GIPR: variants seen among roughly 807,000 people sequenced by gnomAD.
GIPR encodes gastric inhibitory polypeptide receptor, also known as GIP-R.
A neutral mutation model predicts 62.2 loss-of-function variants in GIPR; 74 were observed. The ratio of observed to expected loss-of-function variants is 1.19; its 90% CI spans 0.99 to 1.44. The LOEUF is 1.44. Ranked by LOEUF, GIPR falls within the 40% of genes most tolerant of loss-of-function variation. The pLI, the probability that GIPR is intolerant of heterozygous loss-of-function variation, is 0.00. For synonymous variants in GIPR, 256 were observed against 262.2 expected (o/e 0.98, Z 0.23); for missense variants, 664 against 611.8 (o/e 1.09, Z -0.90).
At chr19:45,673,029 A>ATCT in intron 5 of GIPR, 75 bp downstream of exon 5, 1 of 881,128 alleles carries the variant, frequency 1.1e-6, no homozygotes, top group Non-Finnish European at 1.9e-6. Flanking sequence ...CAGGGCCTGA[A>ATCT]ACCCCTTGGA....
Position 45,682,224 on chromosome 19 carries a change from A to C in GIPR, c.*289A>C. 2.3e-6 allele frequency: 1 copy of C among 442,172 alleles called. No homozygotes were observed. Among genetic ancestry groups the C allele is most frequent in the South Asian group, 2.7e-5 (1 of 37,564 alleles). The allele number at this position is 442,172 out of a possible 1,614,324, so 27.4% of individuals were successfully genotyped here. On this transcript the variant is annotated 3_prime_UTR_variant, in exon 14 of 14. Coordinates refer to ENST00000590918, the MANE Select transcript of GIPR (RefSeq NM_000164.4). ...GCCATCCCCGAAAGAGGTGAAAGAG[A>C]TCACTTTGGGGAGAGCTGGAGAACA...
intron 5 of GIPR, 28 bp from the exon 6 acceptor site, chr19:45,674,046 G>C: frequency 2.2e-6 from 3 of 1,383,864 alleles, no homozygotes; most frequent in East Asian, 4.6e-5. Context: ...GCCAAGCCTT[G>C]TTCCCTTCCC....
chr19:45,681,678 C>G lies in GIPR; in HGVS notation c.1194+33C>G, dbSNP rs200406222. ...GAGACCCGGCCGCCGCCCCCGCCCT[C>G]TGGCGGCAGCGCGGGGTACGGCGCC... On this transcript the variant is annotated intron_variant, in intron 13 of 13. Coordinates refer to ENST00000590918, the MANE Select transcript of GIPR (RefSeq NM_000164.4). 1.9e-5 allele frequency: 31 copies of G among 1,611,764 alleles called. No individual in the cohort carries two copies. The East Asian group carries it at 5.4e-4, about 28-fold the overall frequency.
Position 45,671,491 on chromosome 19 carries a change from C to T in GIPR, c.280+99C>T, listed in dbSNP as rs565701821. Reference sequence around the variant, plus strand: ...TCCGAGTCCCACAGCTCACCTGCACCCCTCTCCTGCTCCTCTTTGCCCCCT... The same window carrying T: ...TCCGAGTCCCACAGCTCACCTGCACTCCTCTCCTGCTCCTCTTTGCCCCCT... On this transcript the variant is annotated intron_variant, in intron 4 of 13. Transcript: ENST00000590918. 8.4e-5 allele frequency: 65 copies of T among 776,634 alleles called. No homozygotes were observed. The African/African-American group carries it at 1.1e-3, about 13-fold the overall frequency. 48.1% of individuals were successfully genotyped at this position (776,634 alleles called of 1,614,324 possible). A position where few individuals can be genotyped will look rare whatever the true frequency, so the allele number is the denominator to read the frequency against.
At chr19:45,675,238 T>C (rs1975776107) in intron 7 of GIPR, 1 of 242,024 alleles carries the variant, frequency 4.1e-6, no homozygotes, top group Non-Finnish European at 8.4e-6. Context: ...GGAGCAGACG[T>C]GGTAAGAACT....
intron 2 of GIPR, among the ~76,000 whole-genome samples, chr19:45,669,805 C>T (rs1217376148): frequency 6.6e-6 from 1 of 151,690 alleles, no homozygotes; most frequent in African/African-American, 2.4e-5. Flanking sequence ...AAAAATTAGC[C>T]GGGCGTGGTG....
intron 3 of GIPR, among the ~76,000 whole-genome samples, chr19:45,670,953 T>G (rs1975504138): frequency 7.0e-6 from 1 of 143,702 alleles, no homozygotes; most frequent in South Asian, 2.2e-4. Flanking sequence ...GGGCGGGGCC[T>G]GCACAGAAAT....
intron 7 of GIPR, chr19:45,675,429 G>T (rs1025333367): frequency 2.0e-5 from 3 of 153,440 alleles, no homozygotes; most frequent in African/African-American, 7.3e-5. Flanking sequence ...ACAAAAATTA[G>T]CTGGGTGTGG....
Position 45,682,053 on chromosome 19 carries a change from C to CGG in GIPR, c.*118_*119insGG. The CGG allele has an allele frequency of 1.2e-6, 1 of 866,032 alleles. No individual in the cohort carries two copies. Among genetic ancestry groups the CGG allele is most frequent in the Non-Finnish European group, 1.9e-6 (1 of 535,382 alleles). 53.6% of individuals were successfully genotyped at this position (866,032 alleles called of 1,614,324 possible). Reference sequence around the variant, plus strand: ...GAAGGAAACAGAAAAAAGGTCCCTGCCCTTCTGGAGATGACAACTGAGTGG... The same window carrying CGG: ...GAAGGAAACAGAAAAAAGGTCCCTGCGGCCTTCTGGAGATGACAACTGAGTGG... On this transcript the variant is annotated 3_prime_UTR_variant, in exon 14 of 14. Coordinates refer to ENST00000590918, the MANE Select transcript of GIPR (RefSeq NM_000164.4).
chr19:45,678,330 G>A, intron 12 of GIPR, 104 bp downstream of exon 12: 1 of 1,254,206 alleles, frequency 8.0e-7, no homozygotes, highest in Non-Finnish European at 1.1e-6. Flanking sequence ...TGAATGGGGT[G>A]GGAAGATGGG....
chr19:45,674,247 G>C, intron 6 of GIPR, 70 bp downstream of exon 6: 2 of 1,009,104 alleles, frequency 2.0e-6, no homozygotes. Flanking sequence ...GTAAGATGGG[G>C]TGGTCTGTTT....
chr19:45,678,656 C>T (rs1411955037), intron 12 of GIPR, among the ~76,000 whole-genome samples: 1 of 152,222 alleles, frequency 6.6e-6, no homozygotes, highest in Non-Finnish European at 1.5e-5. Flanking sequence ...AGCCATGGCG[C>T]CCAGCCCGTT....
intron 4 of GIPR, 57 bp from the exon 5 acceptor site, chr19:45,672,794 T>C: frequency 2.9e-6 from 3 of 1,028,172 alleles, no homozygotes; most frequent in African/African-American, 1.6e-5. Context: ...ACAGTTTGTC[T>C]TTCTGTATTT....
rs1272135046 is a variant in GIPR at position 45,670,717 on chromosome 19, C to T, written c.155C>T (p.Ala52Val). The T allele has an allele frequency of 3.1e-6, 5 of 1,604,652 alleles. No homozygotes were observed. Among genetic ancestry groups the T allele is most frequent in the Admixed American group, 3.4e-5 (2 of 58,854 alleles). The change falls in exon 3 of 14, where the codon GCC becomes GTC. Residue 52 changes from alanine to valine, a missense_variant. Physicochemically the swap from Ala to Val is moderately conservative, Grantham distance 64. Transcript: ENST00000590918. ...YRRECQETLA[A>V]AEPPSGLACN... ...AGGGAGTGCCAGGAGACCTTGGCAG[C>T]CGCGGAACCGCCTTCAGGTGTGACC...
At chr19:45,669,117 A>C (rs1215920736) in intron 1 of GIPR, among the ~76,000 whole-genome samples, 2 of 68,454 alleles carry the variant, frequency 2.9e-5, no homozygotes, top group Non-Finnish European at 5.7e-5. Flanking sequence ...CCGGGTTCCC[A>C]GGAGTCTGTA....
chr19:45,677,443 C>A, intron 9 of GIPR, 60 bp downstream of exon 9: 3 of 1,215,448 alleles, frequency 2.5e-6, no homozygotes, highest in Non-Finnish European at 3.6e-6. Flanking sequence ...GGGACTGTGG[C>A]GGGTTGTGAT....
chr19:45,669,404 AT>A, intron 1 of GIPR, 72 bp from the exon 2 acceptor site: 1 of 1,430,574 alleles, frequency 7.0e-7, no homozygotes, highest in Non-Finnish European at 9.5e-7. Flanking sequence ...CTGTGTGTGA[AT>A]CCCTGAGGCG....
intron 7 of GIPR, among the ~76,000 whole-genome samples, chr19:45,676,501 T>C (rs1966928142): frequency 7.6e-6 from 1 of 131,452 alleles, no homozygotes; most frequent in Non-Finnish European, 1.6e-5. Flanking sequence ...TGGTGCAATC[T>C]CGGCTCACCG....
Position 45,681,998 on chromosome 19 carries a change from G to T in GIPR, c.*63G>T. The stretch of plus-strand genomic sequence containing the variant: ...TTATTGAGTGCCAACTGCGTGCCAG[G>T]CCCAGTACGGAGGACGCTGGGGAAA... On this transcript the variant is annotated 3_prime_UTR_variant, in exon 14 of 14. Coordinates refer to ENST00000590918, the MANE Select transcript of GIPR (RefSeq NM_000164.4). 7.4e-7 allele frequency: 1 copy of T among 1,360,282 alleles called. No homozygotes were observed. Among genetic ancestry groups the T allele is most frequent in the South Asian group, 1.3e-5 (1 of 79,558 alleles). The allele number at this position is 1,360,282 out of a possible 1,614,324, so 84.3% of individuals were successfully genotyped here. A position where few individuals can be genotyped will look rare whatever the true frequency, so the allele number is the denominator to read the frequency against.
Sources: allele counts gnomAD v4.1 joint callset (sites outside exome capture counted in the v4.1 genomes callset), GRCh38; gene constraint gnomAD v4.1.1; transcripts MANE v1.5; gene names NCBI Gene and HGNC (gene_info 2026-07-23, HGNC 2026-07-21).